Variants in JRK observed in about 807,000 individuals in gnomAD.
The protein encoded by JRK is Jrk helix-turn-helix protein, also known as jerky protein homolog.
For missense variants in JRK, 720 were observed against 509.2 expected (o/e 1.41, Z -3.98); for synonymous variants, 303 against 218.1 (o/e 1.39, Z -3.43).
rs1303695436 is a variant in JRK at position 142,669,914 on chromosome 8, G to A, written c.-463+18C>T. ...CCCGGCCCGGCCGCCCAGCGCCTCA[G>A]GCCAGGACCCTACTCACCCTGCTCA... is the stretch of plus-strand genomic sequence containing the variant. On this transcript the variant is annotated intron_variant, in intron 1 of 1. Coordinates refer to ENST00000612905, the MANE Select transcript of JRK (RefSeq NM_003724.4). 6.5e-6 allele frequency: 1 copy of A among 153,192 alleles called. No individual in the cohort carries two copies. The highest frequency in any genetic ancestry group is 1.5e-5 in the Non-Finnish European group (1 of 68,454). The allele number at this position is 153,192 out of a possible 1,614,324, so 9.5% of individuals were successfully genotyped here. A position where few individuals can be genotyped will look rare whatever the true frequency, so the allele number is the denominator to read the frequency against.
At chr8:142,655,800 A>T (rs1419340611), downstream of JRK, among the ~76,000 whole-genome samples, 1 of 152,198 alleles carries the variant, frequency 6.6e-6, no homozygotes, top group Non-Finnish European at 1.5e-5. Context: ...TGCTGCTTTT[A>T]CACTGGGTAT....
chr8:142,649,171 G>A, the JRK span, among the ~76,000 whole-genome samples: 12 of 152,216 alleles, frequency 7.9e-5, no homozygotes, highest in Non-Finnish European at 1.8e-4. Flanking sequence ...TCTCAGAAGA[G>A]ACTGGACTGT....
Position 142,660,944 on chromosome 8 carries a change from C to A in JRK, c.*3408G>T. ...GGACAACTGATGACAGTCCTCCAAC[C>A]CCAGCGAGCTGGGGAAGCCGTGGGC... On this transcript the variant is annotated 3_prime_UTR_variant, in exon 2 of 2. Coordinates refer to ENST00000612905, the MANE Select transcript of JRK (RefSeq NM_003724.4). 2.0e-6 allele frequency: 2 copies of A among 985,488 alleles called. No individual in the cohort carries two copies. The highest frequency in any genetic ancestry group is 2.4e-6 in the Non-Finnish European group (2 of 829,988). The allele number at this position is 985,488 out of a possible 1,614,324, so 61.0% of individuals were successfully genotyped here. A position where few individuals can be genotyped will look rare whatever the true frequency, so the allele number is the denominator to read the frequency against.
the JRK span, among the ~76,000 whole-genome samples, chr8:142,644,930 G>C: frequency 7.8e-4 from 119 of 152,258 alleles, 1 homozygote; most frequent in Non-Finnish European, 1.2e-4. Flanking sequence ...TGACACAGGG[G>C]TCCATGTGCT....
downstream of JRK, among the ~76,000 whole-genome samples, chr8:142,653,848 T>C (rs1210261817): frequency 6.6e-6 from 1 of 152,148 alleles, no homozygotes; most frequent in Non-Finnish European, 1.5e-5. Flanking sequence ...CCCACCAAAC[T>C]GTCCTTGAAA....
chr8:142,661,055 C>A lies in JRK; in HGVS notation c.*3297G>T, dbSNP rs952293679. The A allele has an allele frequency of 2.0e-6, 2 of 985,278 alleles. No individual in the cohort carries two copies. The highest frequency in any genetic ancestry group is 2.4e-6 in the Non-Finnish European group (2 of 829,924). The allele number at this position is 985,278 out of a possible 1,614,324, so 61.0% of individuals were successfully genotyped here. A position where few individuals can be genotyped will look rare whatever the true frequency, so the allele number is the denominator to read the frequency against. On this transcript the variant is annotated 3_prime_UTR_variant, in exon 2 of 2. Transcript: ENST00000612905. ...ACTGGATAAGAACAGTGGCCTGCGA[C>A]GTCAGGGGCAGTCCAGGTGCTCTCC... is the stretch of plus-strand genomic sequence containing the variant.
Position 142,664,999 on chromosome 8 carries a change from G to C in JRK, c.1060C>G (p.His354Asp). 1.4e-6 allele frequency: 1 copy of C among 719,120 alleles called. No individual in the cohort carries two copies. Among genetic ancestry groups the C allele is most frequent in the Non-Finnish European group, 2.6e-6 (1 of 386,086 alleles). 44.5% of individuals were successfully genotyped at this position (719,120 alleles called of 1,614,324 possible). A position where few individuals can be genotyped will look rare whatever the true frequency, so the allele number is the denominator to read the frequency against. ...INPPVPLQGP[H>D]ARYNMNDAIF... ...GCATCGTTCATGTTGTAGCGGGCGT[G>C]GGGGCCCTGCAGGGGGACCGGAGGG... The change falls in exon 2 of 2, where the codon CAC becomes GAC. Residue 354 changes from histidine (H) to aspartate (D), a missense_variant. Transcript: ENST00000612905.
chr8:142,646,963 C>A, the JRK span, among the ~76,000 whole-genome samples: 2 of 152,064 alleles, frequency 1.3e-5, no homozygotes, highest in Non-Finnish European at 2.9e-5. Flanking sequence ...AGCCCTAAGT[C>A]TGCATATTGA....
chr8:142,668,146 C>G (rs1308734525), intron 1 of JRK, among the ~76,000 whole-genome samples: 12 of 152,268 alleles, frequency 7.9e-5, no homozygotes, highest in African/African-American at 2.9e-4. Flanking sequence ...GTTCCCACCT[C>G]CCTCCCGCGT....
At chr8:142,644,332 T>C in the JRK span, among the ~76,000 whole-genome samples, 6 of 152,188 alleles carry the variant, frequency 3.9e-5, no homozygotes, top group East Asian at 1.2e-3. Context: ...CATGATAATT[T>C]AACATAATAA....
chr8:142,649,507 G>A, the JRK span, among the ~76,000 whole-genome samples: 3 of 152,194 alleles, frequency 2.0e-5, no homozygotes, highest in Non-Finnish European at 2.9e-5. Context: ...CATGTAAGAC[G>A]TGACTTGCTC....
downstream of JRK, among the ~76,000 whole-genome samples, chr8:142,655,107 C>G (rs1240109829): frequency 6.6e-6 from 1 of 152,206 alleles, no homozygotes; most frequent in Non-Finnish European, 1.5e-5. Flanking sequence ...CCCTCTCTGC[C>G]TTTGCATGCC....
rs1846841433 is a variant in JRK, at chr8:142,659,334, C to T, written c.*5018G>A. The T allele has an allele frequency of 1.0e-6, 1 of 998,774 alleles. No homozygotes were observed. The highest frequency in any genetic ancestry group is 1.2e-6 in the Non-Finnish European group (1 of 838,224). The allele number at this position is 998,774 out of a possible 1,614,324, so 61.9% of individuals were successfully genotyped here. On this transcript the variant is annotated 3_prime_UTR_variant, in exon 2 of 2. Transcript: ENST00000612905. The stretch of plus-strand genomic sequence containing the variant: ...CAGACCATGCTGACACTGGGCAACA[C>T]ATTCCCTGCTCTGGACCTCAGTTCC...
chr8:142,645,293 T>C, the JRK span, among the ~76,000 whole-genome samples: 5 of 152,140 alleles, frequency 3.3e-5, no homozygotes, highest in South Asian at 6.2e-4. Flanking sequence ...AAATTTAATT[T>C]TAAAAAACAT....
chr8:142,664,292 A>G lies in JRK; in HGVS notation c.*60T>C. The G allele has an allele frequency of 3.3e-6, 5 of 1,494,838 alleles. No individual in the cohort carries two copies. The highest frequency in any genetic ancestry group is 2.4e-5 in the Admixed American group (1 of 41,836). 92.6% of individuals were successfully genotyped at this position (1,494,838 alleles called of 1,614,324 possible). A position where few individuals can be genotyped will look rare whatever the true frequency, so the allele number is the denominator to read the frequency against. On this transcript the variant is annotated 3_prime_UTR_variant, in exon 2 of 2. Coordinates refer to ENST00000612905, the MANE Select transcript of JRK (RefSeq NM_003724.4). ...TCAGGTGGGGTCGGGGCACAGGACCATGCCACTCCAGGGTGTGGGGAGAAA... is the reference window on the plus strand; with the variant it reads ...TCAGGTGGGGTCGGGGCACAGGACCGTGCCACTCCAGGGTGTGGGGAGAAA...
rs1214478893 is a variant in JRK, at chr8:142,661,645, A to T, written c.*2707T>A. ...TAAAACGCGGAGGCATTTAAACAGG[A>T]CCAGAGACTTTCTCGCTCTGCTCTG... On this transcript the variant is annotated 3_prime_UTR_variant, in exon 2 of 2. Transcript: ENST00000612905. 1 of 985,280 alleles carries T rather than the reference A, an allele frequency of 1.0e-6. No homozygotes were observed. The highest frequency in any genetic ancestry group is 1.1e-4 in the East Asian group (1 of 8,810). 61.0% of individuals were successfully genotyped at this position (985,280 alleles called of 1,614,324 possible). A position where few individuals can be genotyped will look rare whatever the true frequency, so the allele number is the denominator to read the frequency against.
At chr8:142,655,751 G>A (rs11776301), downstream of JRK, among the ~76,000 whole-genome samples, 83,309 of 152,048 alleles carry the variant, frequency 0.55, 24,135 homozygotes, top group Admixed American at 0.66. Context: ...CACTAAGCGC[G>A]TTCTGCCTCC....
rs1846896571 is a variant in JRK at position 142,660,986 on chromosome 8, T to C, written c.*3366A>G. 1 of 985,410 alleles carries C rather than the reference T, an allele frequency of 1.0e-6. No individual in the cohort carries two copies. The highest frequency in any genetic ancestry group is 1.2e-6 in the Non-Finnish European group (1 of 829,946). The allele number at this position is 985,410 out of a possible 1,614,324, so 61.0% of individuals were successfully genotyped here. A position where few individuals can be genotyped will look rare whatever the true frequency, so the allele number is the denominator to read the frequency against. Reference sequence around the variant, plus strand: ...GCCGTGGGCAGGGGCTGCGACTTCCTTTCTTCCAATCAACTCCACCACTAG... The same window carrying C: ...GCCGTGGGCAGGGGCTGCGACTTCCCTTCTTCCAATCAACTCCACCACTAG... On this transcript the variant is annotated 3_prime_UTR_variant, in exon 2 of 2. Transcript: ENST00000612905.
At chr8:142,669,159 G>A (rs1847229013) in intron 1 of JRK, among the ~76,000 whole-genome samples, 1 of 139,814 alleles carries the variant, frequency 7.2e-6, no homozygotes, top group Non-Finnish European at 1.5e-5. Context: ...CTTCGCAGGG[G>A]CATAGTGTGT....
Sources: gnomAD v4.1 joint callset for allele counts (sites outside exome capture counted in the v4.1 genomes callset) on GRCh38, gnomAD v4.1.1 for gene constraint, MANE v1.5 for transcripts, NCBI Gene and HGNC (gene_info 2026-07-23, HGNC 2026-07-21) for gene names.